NME7: variants seen among roughly 807,000 people sequenced by gnomAD.
NME7 encodes nucleoside diphosphate kinase 7.
A neutral mutation model predicts 49.1 loss-of-function variants in NME7; 41 were observed. The ratio of observed to expected loss-of-function variants is 0.83; its 90% CI spans 0.65 to 1.08. The LOEUF (loss-of-function observed/expected upper bound fraction) is 1.08, where lower values mean the gene tolerates loss of function less well. NME7 is among the 50% of genes least tolerant of loss of function. The probability of loss-of-function intolerance (pLI) is 0.00; values close to 1 mark genes in which losing one functional copy is unlikely to be tolerated. For missense variants in NME7, 423 were observed against 463.4 expected (o/e 0.91, Z 0.80); for synonymous variants, 139 against 150.6 (o/e 0.92, Z 0.56).
intron 7 of NME7, among the ~76,000 whole-genome samples, chr1:169,272,760 G>A (rs962181504): frequency 8.3e-5 from 11 of 132,832 alleles, no homozygotes; most frequent in African/African-American, 2.5e-4. Context: ...GAACATACAC[G>A]TGCATGTATT....
chr1:169,169,022 A>G (rs200255648), intron 11 of NME7: 4 of 429,228 alleles, frequency 9.3e-6, no homozygotes, highest in Non-Finnish European at 1.8e-5. Flanking sequence ...TGATATAAAA[A>G]CAAATTTCAC....
At chr1:169,265,695 GT>G (rs545742447) in intron 7 of NME7, among the ~76,000 whole-genome samples, 2,450 of 120,116 alleles carry the variant, frequency 0.02, 471 homozygotes, top group Middle Eastern at 0.037. Context: ...TCCAGGAGTT[GT>G]TTTTTTTTTT....
At chr1:169,143,469 T>C (rs1247519844) in intron 11 of NME7, among the ~76,000 whole-genome samples, 1 of 152,140 alleles carries the variant, frequency 6.6e-6, no homozygotes, top group East Asian at 1.9e-4. Flanking sequence ...ATCCCCCATC[T>C]ACACCAGGTT....
At chr1:169,199,635 C>T (rs1428048613) in intron 10 of NME7, among the ~76,000 whole-genome samples, 2 of 151,840 alleles carry the variant, frequency 1.3e-5, no homozygotes, top group Non-Finnish European at 2.9e-5. Flanking sequence ...GGGTCTTAAC[C>T]ACTTTGCTAT....
At chr1:169,292,366 T>C (rs1209926276) in intron 6 of NME7, among the ~76,000 whole-genome samples, 1 of 152,116 alleles carries the variant, frequency 6.6e-6, no homozygotes, top group Admixed American at 6.6e-5. Context: ...TCCAAAGATA[T>C]TGTTAAAGAG....
intron 10 of NME7, among the ~76,000 whole-genome samples, chr1:169,227,187 C>A (rs767104276): frequency 1.2e-4 from 18 of 152,330 alleles, no homozygotes; most frequent in Admixed American, 2.6e-4. Flanking sequence ...AACCTGCTCA[C>A]TCCCCAGCTC....
At chr1:169,336,289 T>C (rs931223779) in intron 1 of NME7, among the ~76,000 whole-genome samples, 1 of 151,644 alleles carries the variant, frequency 6.6e-6, no homozygotes, top group Non-Finnish European at 1.5e-5. Context: ...AGTAGCAAGA[T>C]TTATTGCAAA....
At chr1:169,250,144 A>C (rs1209100447) in intron 7 of NME7, among the ~76,000 whole-genome samples, 3 of 152,040 alleles carry the variant, frequency 2.0e-5, no homozygotes, top group Admixed American at 2.0e-4. Flanking sequence ...TAGTGATTCA[A>C]TCGCACTGCT....
At chr1:169,264,573 A>T (rs1471555869) in intron 7 of NME7, among the ~76,000 whole-genome samples, 2 of 133,468 alleles carry the variant, frequency 1.5e-5, no homozygotes, top group East Asian at 4.0e-4. Flanking sequence ...AACTATCCTA[A>T]ATCTATAGGC....
intron 10 of NME7, among the ~76,000 whole-genome samples, chr1:169,176,742 A>G (rs77811825): frequency 0.044 from 6,660 of 151,954 alleles, 219 homozygotes; most frequent in East Asian, 0.13. Context: ...GTTCTTTTTT[A>G]AAAGAATTGG....
chr1:169,291,425 CTG>C (rs1347673417), intron 6 of NME7, among the ~76,000 whole-genome samples: 2 of 152,072 alleles, frequency 1.3e-5, no homozygotes, highest in Non-Finnish European at 2.9e-5. Flanking sequence ...AAACCAAACA[CTG>C]TATGTTCTCA....
rs184845898 is a variant in NME7, at chr1:169,364,407, T to G, written c.3+3301A>C. Reference sequence around the variant, plus strand: ...CTGAATATCTGCATAGATTTTAAATTTGTATTTATTTATACTTTTTTAGAG... The same window carrying G: ...CTGAATATCTGCATAGATTTTAAATGTGTATTTATTTATACTTTTTTAGAG... On this transcript the variant is annotated intron_variant, in intron 1 of 11. Transcript: ENST00000367811. Among the ~76,000 whole-genome samples the G allele has an allele frequency of 1.8e-4, 27 of 152,322 alleles. No homozygotes were observed. The East Asian group carries it at 4.4e-3, about 25-fold the overall frequency.
At chr1:169,198,562 G>A (rs1259812205) in intron 10 of NME7, among the ~76,000 whole-genome samples, 2 of 152,116 alleles carry the variant, frequency 1.3e-5, no homozygotes, top group Admixed American at 6.6e-5. Flanking sequence ...ATGATACAAT[G>A]TGGATGAACC....
In NME7 at chr1:169,367,706, A is replaced by C. The variant is rs1456677916; in HGVS notation, c.3+2T>G. 1 of 1,614,152 alleles carries C rather than the reference A, an allele frequency of 6.2e-7. No individual in the cohort carries two copies. Among genetic ancestry groups the C allele is most frequent in the East Asian group, 2.2e-5 (1 of 44,882 alleles). On this transcript the variant is annotated splice_donor_variant, in intron 1 of 11. Coordinates refer to ENST00000367811, the MANE Select transcript of NME7 (RefSeq NM_013330.5). LOFTEE classifies it high-confidence loss of function. ...GTTCTTCTGGCATCCCCTGGCACTCACCATTGTCTCAGGATCTCAGCACTA... is the reference window on the plus strand; with the variant it reads ...GTTCTTCTGGCATCCCCTGGCACTCCCCATTGTCTCAGGATCTCAGCACTA...
intron 7 of NME7, among the ~76,000 whole-genome samples, chr1:169,260,446 T>A (rs975896359): frequency 1.5e-5 from 2 of 131,316 alleles, no homozygotes; most frequent in African/African-American, 5.1e-5. Flanking sequence ...ACTTGAATCA[T>A]TTTTTCAAGT....
intron 10 of NME7, among the ~76,000 whole-genome samples, chr1:169,169,774 C>A (rs990957125): frequency 6.6e-6 from 1 of 152,190 alleles, no homozygotes; most frequent in Non-Finnish European, 1.5e-5. Flanking sequence ...GGGAATCACA[C>A]AAAATGTGAA....
At chr1:169,366,736 T>G (rs548789598) in intron 1 of NME7, among the ~76,000 whole-genome samples, 1 of 152,208 alleles carries the variant, frequency 6.6e-6, no homozygotes, top group East Asian at 1.9e-4. Flanking sequence ...CTCCATCATG[T>G]TTAGAAAGGA....
chr1:169,186,719 A>T (rs1660076956), intron 10 of NME7, among the ~76,000 whole-genome samples: 1 of 152,038 alleles, frequency 6.6e-6, no homozygotes. Context: ...TCCTGGATTC[A>T]CTGATTTTTT....
chr1:169,302,539 T>TAA (rs1188342291), intron 5 of NME7, among the ~76,000 whole-genome samples: 2 of 152,146 alleles, frequency 1.3e-5, no homozygotes, highest in African/African-American at 4.8e-5. Flanking sequence ...TACTTATAAG[T>TAA]GGGAACTAAA....
Sources: allele counts gnomAD v4.1 joint callset (sites outside exome capture counted in the v4.1 genomes callset), GRCh38; gene constraint gnomAD v4.1.1; transcripts MANE v1.5; gene names NCBI Gene and HGNC (gene_info 2026-07-23, HGNC 2026-07-21).